Variants in RICTOR observed in about 807,000 individuals in gnomAD.
RICTOR encodes the protein RPTOR independent companion of MTOR complex 2, also known as rapamycin-insensitive companion of mTOR.
RICTOR carries 49 observed loss-of-function variants against 214.9 expected under a neutral mutation model. The observed-to-expected ratio is 0.23, with a 90% CI of 0.18 to 0.29. The LOEUF is 0.29. Among genes scored for constraint, RICTOR ranks in the 10% least tolerant of loss-of-function variants. The pLI, the probability that RICTOR is intolerant of heterozygous loss-of-function variation, is 1.00. For missense variants in RICTOR, 1,625 were observed against 2,047.0 expected, an observed-to-expected ratio of 0.79 and a Z score of 3.98; for synonymous variants, 717 against 711.3, an observed-to-expected ratio of 1.01 and a Z score of -0.13.
intron 2 of RICTOR, among the ~76,000 whole-genome samples, chr5:39,049,490 T>C (rs1252348367): frequency 1.3e-5 from 2 of 151,836 alleles, no homozygotes. Context: ...CAGCCACAGA[T>C]AAAACTTAAA....
At chr5:38,974,817 TGG>T (rs1751075185) in intron 10 of RICTOR, among the ~76,000 whole-genome samples, 2 of 152,328 alleles carry the variant, frequency 1.3e-5, no homozygotes, top group East Asian at 3.9e-4. Context: ...AACATTTGTA[TGG>T]AAAAGGTATT....
intron 11 of RICTOR, 87 bp from the exon 12 acceptor site, chr5:38,968,117 T>C (rs1750387488): frequency 1.3e-6 from 1 of 762,684 alleles, no homozygotes; most frequent in Admixed American, 2.0e-5. Flanking sequence ...TTTAAAATGA[T>C]AAAAACAGAA....
Position 38,950,136 on chromosome 5 carries a change from G to C in RICTOR, c.3712C>G (p.Arg1238Gly), listed in dbSNP as rs1224378743. ...GISSMSSSPS[R>G]ETVGVDATTM... Reference sequence around the variant, plus strand: ...GTAGCATCTACACCTACTGTCTCTCGTGAAGGACTTGAGCTCATTGAACTT... The same window carrying C: ...GTAGCATCTACACCTACTGTCTCTCCTGAAGGACTTGAGCTCATTGAACTT... Residue 1238 changes from arginine (R) to glycine (G), a missense_variant, in exon 31 of 38, where the codon CGA becomes GGA. Arg to Gly is a moderately radical substitution (Grantham distance 125, BLOSUM62 -2). This residue lies in a region of RICTOR where 1,214 missense variants were observed against 1,470.5 expected (regional missense o/e 0.83). Transcript: ENST00000357387. 6.2e-6 allele frequency: 10 copies of C among 1,613,310 alleles called. No individual in the cohort carries two copies. Among genetic ancestry groups the C allele is most frequent in the Non-Finnish European group, 8.5e-6 (10 of 1,179,568 alleles).
chr5:38,966,812 T>TTC, intron 14 of RICTOR, 91 bp from the exon 15 acceptor site: 1 of 736,628 alleles, frequency 1.4e-6, no homozygotes, highest in Non-Finnish European at 2.2e-6. Context: ...TTTTTTTTTT[T>TTC]TTTTTAAGAC....
At chr5:39,042,570 C>A (rs1327025674) in intron 2 of RICTOR, among the ~76,000 whole-genome samples, 1 of 152,166 alleles carries the variant, frequency 6.6e-6, no homozygotes, top group Admixed American at 6.5e-5. Flanking sequence ...ACAATACAGA[C>A]TACCTAGTTG....
At chr5:39,041,611 A>C (rs1049221270) in intron 2 of RICTOR, among the ~76,000 whole-genome samples, 1 of 152,130 alleles carries the variant, frequency 6.6e-6, no homozygotes, top group Non-Finnish European at 1.5e-5. Flanking sequence ...TAGAGGGCAG[A>C]ATCAAGGATG....
chr5:39,001,847 A>C (rs1441131607), intron 5 of RICTOR, among the ~76,000 whole-genome samples: 1 of 152,146 alleles, frequency 6.6e-6, no homozygotes. Flanking sequence ...AACTGAAAAT[A>C]GCAAGTGTTG....
chr5:39,065,747 G>A (rs529488892), intron 2 of RICTOR, among the ~76,000 whole-genome samples: 192 of 152,374 alleles, frequency 1.3e-3, no homozygotes, highest in Non-Finnish European at 2.0e-3. Context: ...CAGCAGGGCA[G>A]TCATTAAATC....
intron 2 of RICTOR, among the ~76,000 whole-genome samples, chr5:39,033,385 T>C (rs1055058445): frequency 6.6e-6 from 1 of 152,122 alleles, no homozygotes; most frequent in Non-Finnish European, 1.5e-5. Flanking sequence ...TGCTTCGGCC[T>C]CCTGAGTAGC....
chr5:39,030,212 T>C (rs7737373), intron 2 of RICTOR, among the ~76,000 whole-genome samples: 270 of 152,322 alleles, frequency 1.8e-3, no homozygotes, highest in African/African-American at 6.2e-3. Flanking sequence ...ACGTACTTTT[T>C]GATACATAAT....
intron 2 of RICTOR, among the ~76,000 whole-genome samples, chr5:39,068,395 T>C (rs530700938): frequency 6.6e-6 from 1 of 152,314 alleles, no homozygotes; most frequent in South Asian, 2.1e-4. Flanking sequence ...GGACTGTATG[T>C]AATGAAGTGA....
intron 3 of RICTOR, among the ~76,000 whole-genome samples, chr5:39,009,150 T>C (rs1033858764): frequency 1.3e-5 from 2 of 152,088 alleles, no homozygotes; most frequent in African/African-American, 4.8e-5. Flanking sequence ...CTTTAAAAGG[T>C]TGGTTTTTCC....
chr5:39,044,341 T>C (rs1257992131), intron 2 of RICTOR, among the ~76,000 whole-genome samples: 4 of 152,180 alleles, frequency 2.6e-5, no homozygotes, highest in Non-Finnish European at 4.4e-5. Flanking sequence ...ATTGTCCTTT[T>C]ATAGTAAACA....
At chr5:39,063,125 A>G (rs1758666672) in intron 2 of RICTOR, among the ~76,000 whole-genome samples, 1 of 152,182 alleles carries the variant, frequency 6.6e-6, no homozygotes, top group African/African-American at 2.4e-5. Context: ...AAACAGTATT[A>G]CTGAAGGTGC....
At chr5:39,018,402 A>T (rs1013443683) in intron 3 of RICTOR, among the ~76,000 whole-genome samples, 1 of 152,124 alleles carries the variant, frequency 6.6e-6, no homozygotes, top group African/African-American at 2.4e-5. Flanking sequence ...ACTTCATTTT[A>T]TTGAGCTTCA....
chr5:39,019,544 T>C (rs1755234342), intron 3 of RICTOR, among the ~76,000 whole-genome samples: 1 of 152,190 alleles, frequency 6.6e-6, no homozygotes, highest in Non-Finnish European at 1.5e-5. Context: ...CACATCTGTT[T>C]ACAGCATGGT....
rs1329271597 is a variant in RICTOR, at chr5:38,941,236, A to T, written c.*1068T>A. 3 of 232,804 alleles carry T rather than the reference A, an allele frequency of 1.3e-5. No homozygotes were observed. In the East Asian group the frequency reaches 1.8e-4, roughly 14 times the overall value. 14.4% of individuals were successfully genotyped at this position (232,804 alleles called of 1,614,324 possible). The stretch of plus-strand genomic sequence containing the variant: ...CATTTAGTTTGTGCAAAACAAAAAC[A>T]CTGATATAAAAATTAAGTTACTGCT... On this transcript the variant is annotated 3_prime_UTR_variant, in exon 38 of 38. Coordinates refer to ENST00000357387, the MANE Select transcript of RICTOR (RefSeq NM_152756.5).
intron 15 of RICTOR, among the ~76,000 whole-genome samples, chr5:38,965,454 A>C (rs1750136340): frequency 6.6e-6 from 1 of 152,036 alleles, no homozygotes; most frequent in Admixed American, 6.5e-5. Context: ...TAGAAAATGT[A>C]AGAATAATAA....
chr5:38,947,514 A>C, intron 31 of RICTOR, 73 bp from the exon 32 acceptor site: 1 of 1,093,508 alleles, frequency 9.1e-7, no homozygotes. Context: ...GAAATAACAT[A>C]TATTCCTACC....
Sources: gnomAD v4.1 joint callset for allele counts (sites outside exome capture counted in the v4.1 genomes callset) on GRCh38, gnomAD v4.1.1 for gene constraint, gnomAD v4.1.1 regional missense constraint, MANE v1.5 for transcripts, NCBI Gene and HGNC (gene_info 2026-07-23, HGNC 2026-07-21) for gene names.